Variants in AGBL1 observed in about 807,000 individuals in gnomAD.
AGBL1 encodes the protein cytosolic carboxypeptidase 4.
In AGBL1, 130 loss-of-function variants were observed where a neutral mutation model predicts 118.9. The observed-to-expected ratio is 1.09, with a 90% CI of 0.95 to 1.26. The LOEUF is 1.26. AGBL1 is among the 50% of genes most tolerant of loss of function. AGBL1 has a pLI of 0.00. For missense variants in AGBL1, 1,584 were observed against 1,298.1 expected (o/e 1.22, Z -3.38); for synonymous variants, 555 against 478.9 (o/e 1.16, Z -2.08).
At chr15:86,984,583 C>G (rs1041471426) in intron 23 of AGBL1, among the ~76,000 whole-genome samples, 1 of 152,060 alleles carries the variant, frequency 6.6e-6, no homozygotes, top group Non-Finnish European at 1.5e-5. Flanking sequence ...CCAGGCTCGT[C>G]TTGAACACCT....
At chr15:86,693,462 C>G (rs2142614058) in intron 22 of AGBL1, among the ~76,000 whole-genome samples, 1 of 151,906 alleles carries the variant, frequency 6.6e-6, no homozygotes, top group South Asian at 2.1e-4. Context: ...TAATTTTTTT[C>G]TTGCTAATTT....
At chr15:86,745,227 A>G (rs952090859) in intron 22 of AGBL1, among the ~76,000 whole-genome samples, 6 of 152,114 alleles carry the variant, frequency 3.9e-5, no homozygotes, top group Admixed American at 1.3e-4. Flanking sequence ...CTGAGGTCTT[A>G]GTATGTGATG....
chr15:87,019,513 G>T (rs2570109), intron 24 of AGBL1, among the ~76,000 whole-genome samples: 86,524 of 151,832 alleles, frequency 0.57, 27,403 homozygotes, highest in African/African-American at 0.85. Context: ...AACCTGCTCC[G>T]GAATGATTCT....
intron 22 of AGBL1, among the ~76,000 whole-genome samples, chr15:86,778,620 G>A (rs775738113): frequency 8.5e-5 from 13 of 152,164 alleles, no homozygotes; most frequent in Non-Finnish European, 1.6e-4. Context: ...TGGCTCACTG[G>A]CAGTCAGAGT....
chr15:86,953,218 G>A (rs144949527), intron 23 of AGBL1, among the ~76,000 whole-genome samples: 1 of 152,214 alleles, frequency 6.6e-6, no homozygotes, highest in Admixed American at 6.5e-5. Context: ...TTGGTAGTGT[G>A]ATAGGAACAG....
intron 17 of AGBL1, among the ~76,000 whole-genome samples, chr15:86,379,922 G>A (rs140336463): frequency 1.3e-5 from 2 of 152,090 alleles, no homozygotes; most frequent in South Asian, 4.1e-4. Flanking sequence ...TTCATAGCAG[G>A]GTGCTTCAAA....
At chr15:86,644,429 C>G (rs932910041) in intron 21 of AGBL1, among the ~76,000 whole-genome samples, 3 of 152,060 alleles carry the variant, frequency 2.0e-5, no homozygotes, top group Non-Finnish European at 2.9e-5. Context: ...AAAATCAGCA[C>G]CTAAGTCAGG....
At chr15:86,786,015 C>G (rs963418518) in intron 22 of AGBL1, among the ~76,000 whole-genome samples, 12 of 152,086 alleles carry the variant, frequency 7.9e-5, no homozygotes, top group African/African-American at 2.9e-4. Context: ...TGTACAAACA[C>G]CCACTGGGTA....
chr15:86,311,550 G>T (rs1486583384), intron 17 of AGBL1, among the ~76,000 whole-genome samples: 2 of 151,952 alleles, frequency 1.3e-5, no homozygotes, highest in African/African-American at 4.8e-5. Flanking sequence ...GAAATATTTT[G>T]GAGTTCCTGA....
intron 21 of AGBL1, among the ~76,000 whole-genome samples, chr15:86,651,609 G>T (rs528409168): frequency 6.6e-6 from 1 of 152,290 alleles, no homozygotes; most frequent in African/African-American, 2.4e-5. Flanking sequence ...GGCTCCTGGA[G>T]CATTGACGTT....
intron 24 of AGBL1, among the ~76,000 whole-genome samples, chr15:87,004,616 C>T (rs1441437476): frequency 6.6e-6 from 1 of 152,142 alleles, no homozygotes; most frequent in Non-Finnish European, 1.5e-5. Flanking sequence ...GAATACAGCA[C>T]ACTGATGGGT....
At chr15:86,560,288 C>G (rs1188741945) in intron 21 of AGBL1, among the ~76,000 whole-genome samples, 1 of 145,558 alleles carries the variant, frequency 6.9e-6, no homozygotes, top group African/African-American at 2.5e-5. Context: ...TATCCCTCCC[C>G]CCTCCCCACC....
At chr15:86,478,223 T>G (rs2082592032) in intron 18 of AGBL1, among the ~76,000 whole-genome samples, 1 of 152,142 alleles carries the variant, frequency 6.6e-6, no homozygotes, top group South Asian at 2.1e-4. Context: ...TGTTGGAAGT[T>G]CTGACCAGGG....
intron 21 of AGBL1, among the ~76,000 whole-genome samples, chr15:86,569,176 T>TGG (rs2083963200): frequency 6.6e-6 from 1 of 152,300 alleles, no homozygotes; most frequent in South Asian, 2.1e-4. Flanking sequence ...TCATGCCTGT[T>TGG]ATCCCAACAA....
chr15:86,743,386 C>G (rs2077707912), intron 22 of AGBL1, among the ~76,000 whole-genome samples: 1 of 152,086 alleles, frequency 6.6e-6, no homozygotes, highest in Non-Finnish European at 1.5e-5. Context: ...GAACATCTTT[C>G]AAATCCACTT....
intron 24 of AGBL1, among the ~76,000 whole-genome samples, chr15:86,991,603 C>T (rs1195413661): frequency 1.3e-5 from 2 of 152,114 alleles, no homozygotes; most frequent in Non-Finnish European, 1.5e-5. Flanking sequence ...TGACTCTTGA[C>T]TGAGGGACCA....
At chr15:86,369,814 C>T (rs537460179) in intron 17 of AGBL1, among the ~76,000 whole-genome samples, 4 of 152,098 alleles carry the variant, frequency 2.6e-5, no homozygotes, top group Non-Finnish European at 5.9e-5. Flanking sequence ...ATAAAAAATA[C>T]AATCATGTGA....
At chr15:86,553,380 C>G (rs932322392) in intron 20 of AGBL1, among the ~76,000 whole-genome samples, 2 of 152,070 alleles carry the variant, frequency 1.3e-5, no homozygotes, top group Non-Finnish European at 2.9e-5. Flanking sequence ...CTAGAGATGC[C>G]TTCTAAATGG....
At chr15:86,268,198 T>C (rs986161653) in intron 13 of AGBL1, among the ~76,000 whole-genome samples, 1 of 152,026 alleles carries the variant, frequency 6.6e-6, no homozygotes, top group African/African-American at 2.4e-5. Flanking sequence ...TCTTCCTCTT[T>C]GGGGGAGGTG....
Sources: allele counts gnomAD v4.1 joint callset (sites outside exome capture counted in the v4.1 genomes callset), GRCh38; gene constraint gnomAD v4.1.1; transcripts MANE v1.5; gene names NCBI Gene and HGNC (gene_info 2026-07-23, HGNC 2026-07-21).